Variants in RETREG1 observed in about 807,000 individuals in gnomAD.
RETREG1 encodes the protein reticulophagy regulator 1.
Under a neutral mutation model 54.8 loss-of-function variants are expected in RETREG1, and 44 were observed. The ratio of observed to expected loss-of-function variants is 0.80; its 90% confidence interval spans 0.63 to 1.03. RETREG1 has a LOEUF of 1.03. RETREG1 is among the 50% of genes least tolerant of loss of function. RETREG1 has a pLI of 0.00. For synonymous variants in RETREG1, 217 were observed against 238.5 expected (o/e 0.91, Z 0.83); for missense variants, 554 against 605.1 (o/e 0.92, Z 0.89).
chr5:16,504,512 G>A (rs1561093361), intron 3 of RETREG1, among the ~76,000 whole-genome samples: 2 of 152,154 alleles, frequency 1.3e-5, no homozygotes, highest in Non-Finnish European at 2.9e-5. Context: ...CTGGCCCAGT[G>A]AAGGACTCCT....
chr5:16,531,112 A>G (rs1281482098), intron 3 of RETREG1, among the ~76,000 whole-genome samples: 6 of 152,260 alleles, frequency 3.9e-5, no homozygotes, highest in Admixed American at 2.0e-4. Context: ...TAACAGCAGT[A>G]GCTAAGGTGT....
At chr5:16,479,604 G>A (rs1433238437) in intron 5 of RETREG1, among the ~76,000 whole-genome samples, 1 of 152,020 alleles carries the variant, frequency 6.6e-6, no homozygotes, top group Admixed American at 6.6e-5. Flanking sequence ...ATGTCATCAT[G>A]AGGCTGATGT....
chr5:16,530,256 A>G (rs569411894), intron 3 of RETREG1, among the ~76,000 whole-genome samples: 1 of 152,246 alleles, frequency 6.6e-6, no homozygotes, highest in South Asian at 2.1e-4. Context: ...AAGTCCTCTC[A>G]CTATGCTGGG....
chr5:16,601,699 A>G (rs891130609), intron 1 of RETREG1, among the ~76,000 whole-genome samples: 1 of 152,210 alleles, frequency 6.6e-6, no homozygotes, highest in Non-Finnish European at 1.5e-5. Flanking sequence ...CCTGGCCAGG[A>G]AATTATTTTT....
chr5:16,573,237 C>T (rs1742231435), intron 1 of RETREG1, among the ~76,000 whole-genome samples: 1 of 134,462 alleles, frequency 7.4e-6, no homozygotes, highest in Admixed American at 7.6e-5. Context: ...ACTTTGCTAA[C>T]TCTTTCGCTT....
At chr5:16,524,770 GT>G (rs1279607011) in intron 3 of RETREG1, among the ~76,000 whole-genome samples, 1 of 152,236 alleles carries the variant, frequency 6.6e-6, no homozygotes, top group Non-Finnish European at 1.5e-5. Flanking sequence ...AATCCTAAAA[GT>G]TAAGTGAAGA....
chr5:16,614,987 C>CG (rs763116455), intron 1 of RETREG1, among the ~76,000 whole-genome samples: 2 of 152,150 alleles, frequency 1.3e-5, no homozygotes, highest in Non-Finnish European at 2.9e-5. Context: ...GGAAACTGGG[C>CG]GGCCAGGGAC....
At chr5:16,534,853 T>G (rs571714922) in intron 3 of RETREG1, among the ~76,000 whole-genome samples, 4 of 152,228 alleles carry the variant, frequency 2.6e-5, no homozygotes, top group Non-Finnish European at 4.4e-5. Context: ...CTGTAAATAA[T>G]GATCTCTTTA....
chr5:16,571,479 T>C (rs1742170860), intron 2 of RETREG1, among the ~76,000 whole-genome samples: 1 of 150,366 alleles, frequency 6.7e-6, no homozygotes, highest in Non-Finnish European at 1.5e-5. Context: ...TACAGTTAAA[T>C]TACCCAAAAA....
intron 1 of RETREG1, among the ~76,000 whole-genome samples, chr5:16,590,864 C>T (rs1277103189): frequency 7.0e-6 from 1 of 141,852 alleles, no homozygotes; most frequent in Non-Finnish European, 1.6e-5. Flanking sequence ...AAAAAACACA[C>T]ACATGCAAAC....
chr5:16,477,708 G>A lies in RETREG1; in HGVS notation c.954C>T (p.Thr318=), dbSNP rs1389490596. 6.2e-7 allele frequency: 1 copy of A among 1,613,222 alleles called. No individual in the cohort carries two copies. The highest frequency in any genetic ancestry group is 8.5e-7 in the Non-Finnish European group (1 of 1,179,416). Residue 318 remains threonine (T), a synonymous_variant, in exon 8 of 9, where the codon ACC becomes ACT. Coordinates refer to ENST00000306320, the MANE Select transcript of RETREG1 (RefSeq NM_001034850.3). ...GAGTGTATCCTTCTGAAAGGTTGAA[G>A]GTCCCATTATCAGTCCAGGATACCT... is the stretch of plus-strand genomic sequence containing the variant. ...VSEVSWTDNG[T]FNLSEGYTPQ...
chr5:16,548,667 C>T (rs1741452659), intron 3 of RETREG1, among the ~76,000 whole-genome samples: 1 of 152,204 alleles, frequency 6.6e-6, no homozygotes, highest in African/African-American at 2.4e-5. Context: ...CCATGAACAG[C>T]TGATTAAGAA....
chr5:16,606,562 G>A (rs114482621), intron 1 of RETREG1, among the ~76,000 whole-genome samples: 2,253 of 152,176 alleles, frequency 0.015, 23 homozygotes, highest in Non-Finnish European at 0.024. Context: ...TCAGCCTGCC[G>A]CAACCTCAGC....
At chr5:16,602,532 GA>G (rs1292018488) in intron 1 of RETREG1, among the ~76,000 whole-genome samples, 1 of 152,112 alleles carries the variant, frequency 6.6e-6, no homozygotes, top group Non-Finnish European at 1.5e-5. Context: ...AACAAGAAAG[GA>G]AACGTAAACA....
chr5:16,518,365 G>C (rs1003821152), intron 3 of RETREG1, among the ~76,000 whole-genome samples: 3 of 151,118 alleles, frequency 2.0e-5, no homozygotes, highest in Middle Eastern at 3.4e-3. Flanking sequence ...GCGAGGAGGA[G>C]GAGGGGGAGA....
intron 3 of RETREG1, among the ~76,000 whole-genome samples, chr5:16,525,387 T>TC (rs967164118): frequency 5.3e-5 from 8 of 151,160 alleles, no homozygotes; most frequent in East Asian, 3.9e-4. Flanking sequence ...CTTTCTCCCT[T>TC]CCCCCCCGCC....
chr5:16,601,529 T>A (rs562147583), intron 1 of RETREG1, among the ~76,000 whole-genome samples: 4 of 152,016 alleles, frequency 2.6e-5, no homozygotes, highest in Non-Finnish European at 5.9e-5. Context: ...CCCAAGTAGC[T>A]GGGATTACAG....
chr5:16,534,432 G>A (rs1740998894), intron 3 of RETREG1, among the ~76,000 whole-genome samples: 1 of 152,228 alleles, frequency 6.6e-6, no homozygotes, highest in Admixed American at 6.5e-5. Context: ...GCCAGACAGG[G>A]TGCTCCCAAG....
chr5:16,524,099 C>A (rs563865836), intron 3 of RETREG1, among the ~76,000 whole-genome samples: 16 of 152,300 alleles, frequency 1.1e-4, no homozygotes, highest in African/African-American at 3.6e-4. Flanking sequence ...GATGGCACTT[C>A]CTTCCCACCC....
Sources: allele counts gnomAD v4.1 joint callset (sites outside exome capture counted in the v4.1 genomes callset), GRCh38; gene constraint gnomAD v4.1.1; transcripts MANE v1.5; gene names NCBI Gene and HGNC (gene_info 2026-07-23, HGNC 2026-07-21).